THSD7B: variants seen among roughly 807,000 people sequenced by gnomAD.
THSD7B encodes the protein thrombospondin type-1 domain-containing protein 7B.
Under a neutral mutation model 213.6 loss-of-function variants are expected in THSD7B, and 138 were observed. The ratio of observed to expected loss-of-function variants is 0.65; its 90% CI spans 0.56 to 0.74. The LOEUF (loss-of-function observed/expected upper bound fraction) is 0.74, where lower values mean the gene tolerates loss of function less well. Among genes scored for constraint, THSD7B ranks in the 30% least tolerant of loss-of-function variants. The probability of loss-of-function intolerance (pLI) is 0.00; values close to 1 mark genes in which losing one functional copy is unlikely to be tolerated. For synonymous variants in THSD7B, 742 were observed against 687.0 expected (o/e 1.08, Z -1.25); for missense variants, 1,931 against 1,991.5 (o/e 0.97, Z 0.58).
intron 1 of THSD7B, among the ~76,000 whole-genome samples, chr2:136,864,193 G>A (rs1683297079): frequency 6.6e-6 from 1 of 152,174 alleles, no homozygotes; most frequent in South Asian, 2.1e-4. Flanking sequence ...TGCTGAGTTG[G>A]CTTCCTCAAG....
chr2:136,945,304 T>A lies in THSD7B; in HGVS notation c.139+62987T>A, dbSNP rs556387348. On this transcript the variant is annotated intron_variant, in intron 2 of 27. Transcript: ENST00000409968. ...GCTTGTGCATGTGTCACTTGGTTCT[T>A]GCGCCATGGTTGTAGAGTTTCTGCC... Among the ~76,000 whole-genome samples the A allele has an allele frequency of 2.2e-3, 335 of 151,948 alleles. 1 individual carries two copies. Among genetic ancestry groups the A allele is most frequent in the Admixed American group, 4.7e-3 (71 of 15,266 alleles).
intron 15 of THSD7B, among the ~76,000 whole-genome samples, chr2:137,476,565 A>G (rs2105099281): frequency 6.6e-6 from 1 of 152,232 alleles, no homozygotes. Flanking sequence ...GTAATATTTA[A>G]TGAAAAGGGT....
chr2:137,085,718 A>G (rs961998356), intron 3 of THSD7B, among the ~76,000 whole-genome samples: 2 of 152,170 alleles, frequency 1.3e-5, no homozygotes, highest in African/African-American at 4.8e-5. Context: ...TGACCTAAAT[A>G]TGAAATGGTA....
rs530370302 is a variant in THSD7B at position 137,167,946 on chromosome 2, A to G, written c.1526-2795A>G. On this transcript the variant is annotated intron_variant, in intron 6 of 27. Transcript: ENST00000409968. Reference sequence around the variant, plus strand: ...CTTTAATCTTTTCTTGTGAGGAGGCAATGACTCTGAAAGACTTCTGCTGAT... The same window carrying G: ...CTTTAATCTTTTCTTGTGAGGAGGCGATGACTCTGAAAGACTTCTGCTGAT... Among the ~76,000 whole-genome samples the G allele has an allele frequency of 3.0e-4, 45 of 152,320 alleles. 1 individual carries two copies. The highest frequency in any genetic ancestry group is 1.1e-3 in the African/African-American group (44 of 41,584).
chr2:137,230,959 G>A (rs906820232), intron 7 of THSD7B, 85 bp from the exon 8 acceptor site: 6 of 1,251,694 alleles, frequency 4.8e-6, no homozygotes, highest in Admixed American at 4.5e-5. Flanking sequence ...ATTTTTGGGG[G>A]GGTACTTTAA....
At chr2:137,218,028 T>C (rs1448385871) in intron 7 of THSD7B, among the ~76,000 whole-genome samples, 3 of 152,180 alleles carry the variant, frequency 2.0e-5, no homozygotes, top group East Asian at 3.8e-4. Flanking sequence ...TAGAATAAGA[T>C]AAATTATCAG....
At chr2:137,266,261 G>A (rs564550174) in intron 10 of THSD7B, among the ~76,000 whole-genome samples, 2 of 152,276 alleles carry the variant, frequency 1.3e-5, no homozygotes, top group African/African-American at 4.8e-5. Flanking sequence ...CTTTTAGTTG[G>A]CCTGTTTTAC....
At position 137,216,047 on chromosome 2, in the gene THSD7B, G is replaced by A. The variant is rs931683594; in HGVS notation, c.1724-14997G>A. Among the ~76,000 whole-genome samples, 3 of 152,224 alleles carry A rather than the reference G, an allele frequency of 2.0e-5. No homozygotes were observed. The East Asian group carries it at 5.8e-4, about 30-fold the overall frequency. ...AAGAATTCAAAGGCAGAATTTTGTT[G>A]AGGGGGAAAATAAATTAGAAACCGT... is the stretch of plus-strand genomic sequence containing the variant. On this transcript the variant is annotated intron_variant, in intron 7 of 27. Transcript: ENST00000409968.
intron 3 of THSD7B, among the ~76,000 whole-genome samples, chr2:137,071,121 C>A (rs1047382865): frequency 1.3e-5 from 2 of 152,134 alleles, no homozygotes; most frequent in Admixed American, 6.6e-5. Context: ...AGTTCTAGAT[C>A]CCTGAGGAAT....
At chr2:136,766,317 C>G (rs968708076) in intron 1 of THSD7B, among the ~76,000 whole-genome samples, 1 of 151,998 alleles carries the variant, frequency 6.6e-6, no homozygotes, top group Non-Finnish European at 1.5e-5. Context: ...TTTCCCCTGT[C>G]CCTGCGAGTG....
intron 2 of THSD7B, among the ~76,000 whole-genome samples, chr2:136,941,604 C>T (rs1043500724): frequency 2.6e-5 from 4 of 152,124 alleles, no homozygotes; most frequent in Non-Finnish European, 5.9e-5. Context: ...CTCTGGTGAC[C>T]GGTGATGATG....
intron 20 of THSD7B, among the ~76,000 whole-genome samples, chr2:137,622,831 T>C (rs1682545874): frequency 6.6e-6 from 1 of 152,146 alleles, no homozygotes; most frequent in Non-Finnish European, 1.5e-5. Context: ...ATTGAGGCAA[T>C]AATTAATAGA....
In THSD7B at chr2:137,374,134, A is replaced by G. The variant is rs1339602202; in HGVS notation, c.2501-31479A>G. ...TGCAAAGATAAAGGGAAGGTCATAC[A>G]TAGCTCTGTGGCATGAGGGGAGGGA... On this transcript the variant is annotated intron_variant, in intron 12 of 27. Transcript: ENST00000409968. Among the ~76,000 whole-genome samples, 4 of 146,748 alleles carry G rather than the reference A, an allele frequency of 2.7e-5. No homozygotes were observed. In the East Asian group the frequency reaches 9.0e-4, roughly 33 times the overall value.
Position 137,592,614 on chromosome 2 carries a change from C to T in THSD7B, c.3423+20058C>T, listed in dbSNP as rs547039762. On this transcript the variant is annotated intron_variant, in intron 17 of 27. Transcript: ENST00000409968. The stretch of plus-strand genomic sequence containing the variant: ...TTTCAGTGATTACGGGATGCATCTT[C>T]ACCCAAGCTGCATTTTTCTGTTATC... Among the ~76,000 whole-genome samples the T allele has an allele frequency of 2.1e-3, 319 of 152,032 alleles. 1 individual carries two copies. The highest frequency in any genetic ancestry group is 3.9e-3 in the Non-Finnish European group (264 of 67,824).
intron 15 of THSD7B, among the ~76,000 whole-genome samples, chr2:137,454,408 G>C (rs1198803384): frequency 8.5e-6 from 1 of 117,152 alleles, no homozygotes; most frequent in Non-Finnish European, 1.8e-5. Context: ...CTGTCTGTCT[G>C]TCTGTCTGTC....
intron 5 of THSD7B, among the ~76,000 whole-genome samples, chr2:137,129,806 T>C (rs374443590): frequency 1.3e-5 from 2 of 152,318 alleles, no homozygotes; most frequent in African/African-American, 4.8e-5. Flanking sequence ...TATAAGTATT[T>C]GTTACCTACA....
chr2:137,142,699 A>C (rs1171808969), intron 5 of THSD7B, among the ~76,000 whole-genome samples: 1 of 152,136 alleles, frequency 6.6e-6, no homozygotes, highest in African/African-American at 2.4e-5. Context: ...AATCTATCAC[A>C]ACATTAGGTC....
chr2:136,882,105 A>G, intron 1 of THSD7B, 39 bp from the exon 2 acceptor site: 2 of 1,374,588 alleles, frequency 1.5e-6, no homozygotes, highest in Non-Finnish European at 1.9e-6. Flanking sequence ...TCTTTTCTTT[A>G]CAGAAGAAAC....
At chr2:137,334,459 C>T (rs1684592524) in intron 12 of THSD7B, among the ~76,000 whole-genome samples, 1 of 152,246 alleles carries the variant, frequency 6.6e-6, no homozygotes, top group East Asian at 1.9e-4. Context: ...AGCCCTCAAT[C>T]CTTTCTGTCA....
Sources: gnomAD v4.1 joint callset for allele counts (sites outside exome capture counted in the v4.1 genomes callset) on GRCh38, gnomAD v4.1.1 for gene constraint, MANE v1.5 for transcripts, NCBI Gene and HGNC (gene_info 2026-07-23, HGNC 2026-07-21) for gene names.